The following MT1F variants were observed in gnomAD, a reference collection of about 807,000 sequenced individuals.
The protein encoded by MT1F is metallothionein 1F, also known as metallothionein-1F.
Under a neutral mutation model 5.4 loss-of-function variants are expected in MT1F, and 6 were observed. The ratio of observed to expected loss-of-function variants is 1.11; its 90% confidence interval spans 0.61 to 2.19. MT1F has a LOEUF of 2.19. Among genes scored for constraint, MT1F ranks in the 30% most tolerant of loss-of-function variants. The pLI is 0.00. For missense variants in MT1F, 82 were observed against 77.0 expected (o/e 1.07, Z -0.24); for synonymous variants, 28 against 28.3 (o/e 0.99, Z 0.04).
At chr16:56,658,522 G>A in intron 1 of MT1F, 153 bp from the exon 2 acceptor site, 1 of 747,452 alleles carries the variant, frequency 1.3e-6, no homozygotes, top group Non-Finnish European at 2.2e-6. Flanking sequence ...GAAGGGAGAG[G>A]ACATGGGGCT....
intron 1 of MT1F, 35 bp from the exon 2 acceptor site, chr16:56,658,640 C>T (rs770173159): frequency 3.1e-6 from 5 of 1,612,246 alleles, no homozygotes; most frequent in East Asian, 2.2e-5. Flanking sequence ...GCAGGTCACT[C>T]GCCGCTCACT....
At chr16:56,658,436 G>T (rs1597076287) in intron 1 of MT1F, 1 of 598,780 alleles carries the variant, frequency 1.7e-6, no homozygotes. Flanking sequence ...CGAAGTCGCC[G>T]TCTTCCCAGG....
chr16:56,658,576 C>A, intron 1 of MT1F, 99 bp from the exon 2 acceptor site: 3 of 1,237,268 alleles, frequency 2.4e-6, no homozygotes, highest in Non-Finnish European at 3.5e-6. Context: ...TGAGGGCTGG[C>A]CCCGCACAGA....
At position 56,659,217 on chromosome 16, in the gene MT1F, G is replaced by GA. The variant is rs1336168057; in HGVS notation, c.*54dup. 2 of 1,581,926 alleles carry GA rather than the reference G, an allele frequency of 1.3e-6. No individual in the cohort carries two copies. The highest frequency in any genetic ancestry group is 1.7e-6 in the Non-Finnish European group (2 of 1,157,432). ...AAACAGAGAGACATGTACAAACCTGGATTTTTTTTTTATACCACCTTGACC... is the reference window on the plus strand; with the variant it reads ...AAACAGAGAGACATGTACAAACCTGGAATTTTTTTTTTATACCACCTTGACC... On this transcript the variant is annotated 3_prime_UTR_variant, in exon 3 of 3. Coordinates refer to ENST00000334350, the MANE Select transcript of MT1F (RefSeq NM_005949.4).
chr16:56,658,615 A>T, intron 1 of MT1F, 60 bp from the exon 2 acceptor site: 1 of 1,564,036 alleles, frequency 6.4e-7, no homozygotes, highest in African/African-American at 1.4e-5. Flanking sequence ...TCATTAACTC[A>T]CTGCTGTACC....
chr16:56,659,100 G>A lies in MT1F; in HGVS notation c.122G>A (p.Cys41Tyr). The change falls in exon 3 of 3, where the codon TGT becomes TAT. Residue 41 changes from cysteine (C) to tyrosine (Y), a missense_variant. Cys to Tyr is a radical substitution (Grantham distance 194). Coordinates refer to ENST00000334350, the MANE Select transcript of MT1F (RefSeq NM_005949.4). ...TGCTGCTCCTGCTGCCCCGTGGGCT[G>A]TAGCAAGTGTGCCCAGGGCTGTGTT... The part of the protein sequence containing the change: ...KSCCSCCPVG[C>Y]SKCAQGCVCK... 6.2e-7 allele frequency: 1 copy of A among 1,614,048 alleles called. No homozygotes were observed. Among genetic ancestry groups the A allele is most frequent in the Non-Finnish European group, 8.5e-7 (1 of 1,180,000 alleles).
intron 2 of MT1F, 157 bp downstream of exon 2, chr16:56,658,897 G>A (rs1230452016): frequency 6.1e-6 from 7 of 1,142,556 alleles, no homozygotes; most frequent in Non-Finnish European, 9.2e-6. Context: ...AGGGCGCCTG[G>A]GCAGCTTTCT....
intron 2 of MT1F, 48 bp from the exon 3 acceptor site, chr16:56,659,025 T>C (rs1477984100): frequency 6.5e-7 from 1 of 1,543,596 alleles, no homozygotes; most frequent in African/African-American, 1.4e-5. Flanking sequence ...GGGAGGGAGG[T>C]CCCTGGGCAA....
At position 56,659,074 on chromosome 16, in the gene MT1F, C is replaced by G; in HGVS notation, c.96C>G (p.Ser32Arg). ...KECKCTSCKK[S>R]CCSCCPVGCS... ...TCTCATGCTCCTCTTCTTCCCCAGG[C>G]TGCTGCTCCTGCTGCCCCGTGGGCT... The change falls in exon 3 of 3, where the codon AGC (serine) becomes AGG (arginine). Residue 32 changes from serine (S) to arginine (R), a missense_variant and splice_region_variant. Ser to Arg is a moderately radical substitution (Grantham distance 110). Transcript: ENST00000334350. 1 of 1,613,614 alleles carries G rather than the reference C, an allele frequency of 6.2e-7. No homozygotes were observed. The highest frequency in any genetic ancestry group is 8.5e-7 in the Non-Finnish European group (1 of 1,179,900).
chr16:56,658,910 TAGGA>T (rs1278137839), intron 2 of MT1F, 159 bp from the exon 3 acceptor site: 5 of 1,068,666 alleles, frequency 4.7e-6, no homozygotes, highest in Non-Finnish European at 7.2e-6. Context: ...AGCTTTCTCA[TAGGA>T]AGACCCACCC....
chr16:56,658,191 G>C (rs572535371), intron 1 of MT1F, 105 bp downstream of exon 1: 36 of 1,288,628 alleles, frequency 2.8e-5, no homozygotes, highest in East Asian at 7.0e-5. Flanking sequence ...AACTGTAGGG[G>C]ACTCCTTGAC....
In MT1F at chr16:56,658,738, A is replaced by G; in HGVS notation, c.92A>G (p.Lys31Arg). 6.2e-7 allele frequency: 1 copy of G among 1,614,226 alleles called. No homozygotes were observed. The highest frequency in any genetic ancestry group is 8.5e-7 in the Non-Finnish European group (1 of 1,180,026). The change falls in exon 2 of 3, where the codon AAG (lysine) becomes AGG (arginine). Residue 31 changes from lysine to arginine, a missense_variant and splice_region_variant. By Grantham distance (26) the Lys-to-Arg change is conservative (BLOSUM62 2). Transcript: ENST00000334350. ...GAGTGCAAATGCACCTCCTGCAAGA[A>G]GAGTGAGTGTGAGGCCATCTCCATG... Reference protein sequence around the residue: ...CKECKCTSCKKSCCSCCPVGC... With the variant: ...CKECKCTSCKRSCCSCCPVGC...
In MT1F at chr16:56,657,964, A is replaced by T; in HGVS notation, c.-95A>T. On this transcript the variant is annotated 5_prime_UTR_variant, in exon 1 of 3. In the 5' UTR this introduces an upstream ATG that the reference lacks. Coordinates refer to ENST00000334350, the MANE Select transcript of MT1F (RefSeq NM_005949.4). ...CCCGGCCCCCTCCCCTGACTATCAA[A>T]GCAGCGGCCGGCTGTTGGGGTCCAC... 1.2e-5 allele frequency: 16 copies of T among 1,305,448 alleles called. No individual in the cohort carries two copies. Among genetic ancestry groups the T allele is most frequent in the Non-Finnish European group, 1.7e-5 (16 of 919,308 alleles). The allele number at this position is 1,305,448 out of a possible 1,614,324, so 80.9% of individuals were successfully genotyped here. A position where few individuals can be genotyped will look rare whatever the true frequency, so the allele number is the denominator to read the frequency against.
rs1320464154 is a variant in MT1F, at chr16:56,658,005, C to T, written c.-54C>T. The T allele has an allele frequency of 6.3e-7, 1 of 1,597,994 alleles. No homozygotes were observed. The highest frequency in any genetic ancestry group is 8.6e-7 in the Non-Finnish European group (1 of 1,166,308). On this transcript the variant is annotated 5_prime_UTR_variant, in exon 1 of 3. Coordinates refer to ENST00000334350, the MANE Select transcript of MT1F (RefSeq NM_005949.4). ...TGGGGTCCACCACGCCTTCCACCTG[C>T]CCCACTGCTTCTTCGCTTCTCTCTT...
intron 1 of MT1F, 53 bp downstream of exon 1, chr16:56,658,139 G>C: frequency 8.1e-6 from 13 of 1,607,148 alleles, no homozygotes; most frequent in Non-Finnish European, 1.0e-5. Flanking sequence ...AGACACCATA[G>C]AGAGTGTTCC....
chr16:56,659,212 A>T lies in MT1F; in HGVS notation c.*48A>T. ...GATGTAAACAGAGAGACATGTACAA[A>T]CCTGGATTTTTTTTTTATACCACCT... On this transcript the variant is annotated 3_prime_UTR_variant, in exon 3 of 3. Transcript: ENST00000334350. The T allele has an allele frequency of 6.3e-7, 1 of 1,588,676 alleles. No homozygotes were observed. The highest frequency in any genetic ancestry group is 8.6e-7 in the Non-Finnish European group (1 of 1,164,872).
At chr16:56,658,247 T>G in intron 1 of MT1F, 161 bp downstream of exon 1, 1 of 748,020 alleles carries the variant, frequency 1.3e-6, no homozygotes, top group Non-Finnish European at 2.2e-6. Flanking sequence ...GAGCATTTCC[T>G]TCCTCTCTGT....
Position 56,657,980 on chromosome 16 carries a change from T to C in MT1F, c.-79T>C. ...GACTATCAAAGCAGCGGCCGGCTGTTGGGGTCCACCACGCCTTCCACCTGC... is the reference window on the plus strand; with the variant it reads ...GACTATCAAAGCAGCGGCCGGCTGTCGGGGTCCACCACGCCTTCCACCTGC... On this transcript the variant is annotated 5_prime_UTR_variant, in exon 1 of 3. Coordinates refer to ENST00000334350, the MANE Select transcript of MT1F (RefSeq NM_005949.4). 1 of 1,480,306 alleles carries C rather than the reference T, an allele frequency of 6.8e-7. No homozygotes were observed. The highest frequency in any genetic ancestry group is 9.4e-7 in the Non-Finnish European group (1 of 1,066,162). 91.7% of individuals were successfully genotyped at this position (1,480,306 alleles called of 1,614,324 possible). A position where few individuals can be genotyped will look rare whatever the true frequency, so the allele number is the denominator to read the frequency against.
intron 2 of MT1F, 35 bp downstream of exon 2, chr16:56,658,775 T>C (rs1212196455): frequency 5.0e-6 from 8 of 1,613,106 alleles, no homozygotes; most frequent in Non-Finnish European, 6.8e-6. Context: ...TCTGGGGCTG[T>C]GGCTAAGGTT....
Sources: allele counts gnomAD v4.1 joint callset, GRCh38; gene constraint gnomAD v4.1.1; transcripts MANE v1.5; gene names NCBI Gene and HGNC (gene_info 2026-07-23, HGNC 2026-07-21).